RABGAP1: variants seen among roughly 807,000 people sequenced by gnomAD.
The protein encoded by RABGAP1 is RAB GTPase activating protein 1, also known as rab GTPase-activating protein 1.
RABGAP1 carries 23 observed loss-of-function variants against 137.6 expected under a neutral mutation model. The ratio of observed to expected loss-of-function variants is 0.17; its 90% confidence interval spans 0.12 to 0.24. RABGAP1 has a LOEUF of 0.24. Among genes scored for constraint, RABGAP1 ranks in the 10% least tolerant of loss-of-function variants. RABGAP1 has a pLI of 1.00. For missense variants in RABGAP1, 906 were observed against 1,275.8 expected, an observed-to-expected ratio of 0.71 and a Z score of 4.42; for synonymous variants, 451 against 450.7, an observed-to-expected ratio of 1.00 and a Z score of -0.01.
intron 10 of RABGAP1, 145 bp from the exon 11 acceptor site, chr9:123,010,209 A>G: frequency 1.5e-6 from 1 of 689,630 alleles, no homozygotes. Context: ...TCAAAAAAAC[A>G]TCATTTATTT....
chr9:122,976,464 G>C (rs910323253), intron 2 of RABGAP1, among the ~76,000 whole-genome samples: 3 of 152,226 alleles, frequency 2.0e-5, no homozygotes, highest in Non-Finnish European at 1.5e-5. Flanking sequence ...AATGACACTT[G>C]CTCAGAATAA....
chr9:122,952,802 G>A (rs1234814384), intron 1 of RABGAP1, among the ~76,000 whole-genome samples: 1 of 152,148 alleles, frequency 6.6e-6, no homozygotes, highest in African/African-American at 2.4e-5. Context: ...CTTGTTATAA[G>A]GATCTAGGCT....
intron 13 of RABGAP1, among the ~76,000 whole-genome samples, chr9:123,063,945 A>T (rs1191839104): frequency 6.6e-6 from 1 of 152,122 alleles, no homozygotes; most frequent in East Asian, 1.9e-4. Flanking sequence ...CTAACTCTTC[A>T]GCTCTCTGTT....
At position 123,070,224 on chromosome 9, in the gene RABGAP1, C is replaced by A; in HGVS notation, c.1909-126C>A. On this transcript the variant is annotated intron_variant, in intron 14 of 25. Transcript: ENST00000373647. The surrounding 1 kb of genome is among the most constrained non-coding windows in gnomAD (Gnocchi z 4.4). ...GAGAAGTATTGGCACCACTTACTGTCTGTCAAAATGCTGTCCCAGTGTGGG... is the reference window on the plus strand; with the variant it reads ...GAGAAGTATTGGCACCACTTACTGTATGTCAAAATGCTGTCCCAGTGTGGG... 2 of 1,484,478 alleles carry A rather than the reference C, an allele frequency of 1.3e-6. No individual in the cohort carries two copies. Among genetic ancestry groups the A allele is most frequent in the Non-Finnish European group, 1.8e-6 (2 of 1,117,068 alleles). 92.0% of individuals were successfully genotyped at this position (1,484,478 alleles called of 1,614,324 possible).
rs766884593 is a variant in RABGAP1 at position 123,070,313 on chromosome 9, A to T, written c.1909-37A>T. ...GCCACCATGGCCCACAAGTGGCTAC[A>T]TTCATTTACATTTCCTCTGTGTGTT... On this transcript the variant is annotated intron_variant, in intron 14 of 25. Coordinates refer to ENST00000373647, the MANE Select transcript of RABGAP1 (RefSeq NM_012197.4). The surrounding 1 kb of genome is among the most constrained non-coding windows in gnomAD (Gnocchi z 4.4). The T allele has an allele frequency of 6.2e-7, 1 of 1,613,220 alleles. No homozygotes were observed. Among genetic ancestry groups the T allele is most frequent in the East Asian group, 2.2e-5 (1 of 44,864 alleles).
At chr9:122,982,841 C>T (rs1038565736) in intron 2 of RABGAP1, among the ~76,000 whole-genome samples, 6 of 151,994 alleles carry the variant, frequency 3.9e-5, no homozygotes, top group Non-Finnish European at 7.4e-5. Context: ...TTCAAGTCCA[C>T]GCTGGGCAAC....
chr9:122,979,122 T>G (rs1171480217), intron 2 of RABGAP1, among the ~76,000 whole-genome samples: 2 of 152,216 alleles, frequency 1.3e-5, no homozygotes, highest in African/African-American at 4.8e-5. Context: ...AGTTTCAAAC[T>G]CCTAGAGACA....
chr9:123,057,053 C>T (rs1413696077), intron 13 of RABGAP1, among the ~76,000 whole-genome samples: 6 of 145,186 alleles, frequency 4.1e-5, no homozygotes, highest in African/African-American at 7.6e-5. Flanking sequence ...TAGGGGCGGC[C>T]GGGCAGAGGC....
chr9:122,973,869 G>C (rs1835609842), intron 2 of RABGAP1, among the ~76,000 whole-genome samples: 1 of 152,058 alleles, frequency 6.6e-6, no homozygotes, highest in African/African-American at 2.4e-5. Context: ...AATTAGCTGG[G>C]CGTGGTGGCA....
chr9:123,089,896 T>C, intron 20 of RABGAP1, 46 bp downstream of exon 20: 1 of 1,487,006 alleles, frequency 6.7e-7, no homozygotes. Context: ...CATGCTTTCA[T>C]TTCATATGAT....
intron 13 of RABGAP1, among the ~76,000 whole-genome samples, chr9:123,037,496 A>T (rs1252375186): frequency 6.6e-6 from 1 of 152,182 alleles, no homozygotes; most frequent in African/African-American, 2.4e-5. Context: ...TTCAAATGGG[A>T]AACCTTTTCT....
the RABGAP1 span, among the ~76,000 whole-genome samples, chr9:122,933,894 G>A: frequency 2.6e-5 from 4 of 151,066 alleles, no homozygotes; most frequent in African/African-American, 4.9e-5. Flanking sequence ...GACTACAGGC[G>A]TGAGCCACTG....
chr9:122,989,925 A>G, intron 5 of RABGAP1, 131 bp from the exon 6 acceptor site: 5 of 1,069,906 alleles, frequency 4.7e-6, no homozygotes, highest in Non-Finnish European at 6.6e-6. Context: ...CTAACAAATT[A>G]GGTAATTTAC....
intron 13 of RABGAP1, among the ~76,000 whole-genome samples, chr9:123,036,466 G>GT (rs2032667147): frequency 6.6e-6 from 1 of 152,188 alleles, no homozygotes. Flanking sequence ...GTGATAGGCT[G>GT]TTGGCTGTCC....
In RABGAP1 at chr9:123,073,572, C is replaced by T; in HGVS notation, c.2004C>T (p.Phe668=). Residue 668 remains phenylalanine, a synonymous_variant, in exon 16 of 26, where the codon TTC becomes TTT. Coordinates refer to ENST00000373647, the MANE Select transcript of RABGAP1 (RefSeq NM_012197.4). ...TACAGATGCCTGAAGAACAGGCATT[C>T]AGTGTTCTGGTCAAGATCATGTTTG... ...LLLHMPEEQA[F]SVLVKIMFDY... The T allele has an allele frequency of 6.2e-7, 1 of 1,613,388 alleles. No homozygotes were observed. The highest frequency in any genetic ancestry group is 8.5e-7 in the Non-Finnish European group (1 of 1,179,650).
At chr9:123,076,969 C>G (rs940440236) in intron 19 of RABGAP1, 13 of 222,280 alleles carry the variant, frequency 5.8e-5, no homozygotes, top group Admixed American at 1.9e-4. Context: ...AAAATACTTT[C>G]CTATATATTA....
chr9:122,975,630 C>CT (rs1260275843), intron 2 of RABGAP1, among the ~76,000 whole-genome samples: 2 of 152,090 alleles, frequency 1.3e-5, no homozygotes, highest in Non-Finnish European at 2.9e-5. Flanking sequence ...AACCTCAACT[C>CT]TAATAGGTGG....
intron 6 of RABGAP1, 46 bp from the exon 7 acceptor site, chr9:122,995,995 G>A: frequency 1.3e-6 from 2 of 1,546,600 alleles, no homozygotes; most frequent in Non-Finnish European, 1.7e-6. Flanking sequence ...TCTAGTATGT[G>A]ACAAGAAAAT....
At chr9:123,042,272 A>G (rs987334323) in intron 13 of RABGAP1, among the ~76,000 whole-genome samples, 2 of 152,206 alleles carry the variant, frequency 1.3e-5, no homozygotes, top group African/African-American at 4.8e-5. Flanking sequence ...CCATCAATCA[A>G]CACATCCCAC....
Sources: allele counts gnomAD v4.1 joint callset (sites outside exome capture counted in the v4.1 genomes callset), GRCh38; gene constraint gnomAD v4.1.1; non-coding constraint Gnocchi (gnomAD v3.1); transcripts MANE v1.5; gene names NCBI Gene and HGNC (gene_info 2026-07-23, HGNC 2026-07-21).